Variants in UGT1A6 observed in about 807,000 individuals in gnomAD.
UGT1A6 encodes UDP glucuronosyltransferase family 1 member A6.
A neutral mutation model predicts 44.4 loss-of-function variants in UGT1A6; 32 were observed. The observed-to-expected ratio is 0.72, with a 90% CI of 0.54 to 0.97. The LOEUF is 0.97. UGT1A6 is among the 50% of genes least tolerant of loss of function. UGT1A6 has a pLI of 0.00. For missense variants in UGT1A6, 685 were observed against 661.9 expected, an observed-to-expected ratio of 1.03 and a Z score of -0.38; for synonymous variants, 238 against 248.5, an observed-to-expected ratio of 0.96 and a Z score of 0.40.
intron 1 of UGT1A6, among the ~76,000 whole-genome samples, chr2:233,764,866 A>AAAAGGGAGG (rs45477695): frequency 0.13 from 19,804 of 152,100 alleles, 1,413 homozygotes; most frequent in East Asian, 0.2. Context: ...CTTTTAGATG[A>AAAAGGGAGG]GCCCAAGGGA....
At chr2:233,758,861 A>G (rs911579331) in intron 1 of UGT1A6, among the ~76,000 whole-genome samples, 2 of 152,228 alleles carry the variant, frequency 1.3e-5, no homozygotes, top group African/African-American at 4.8e-5. Context: ...TGGCTGCACA[A>G]TACTTGCCCC....
At chr2:233,745,418 GATAA>G (rs1158575048) in intron 1 of UGT1A6, among the ~76,000 whole-genome samples, 1 of 151,578 alleles carries the variant, frequency 6.6e-6, no homozygotes, top group Non-Finnish European at 1.5e-5. Context: ...TCTTTTCTTT[GATAA>G]ATTGTGAGGC....
At chr2:233,699,044 G>A (rs1467875963) in intron 1 of UGT1A6, among the ~76,000 whole-genome samples, 1 of 152,200 alleles carries the variant, frequency 6.6e-6, no homozygotes, top group Non-Finnish European at 1.5e-5. Context: ...CAGATGTCCT[G>A]AAACAACTTA....
chr2:233,770,228 A>T (rs1355142630), intron 4 of UGT1A6: 1 of 152,236 alleles, frequency 6.6e-6, no homozygotes, highest in Non-Finnish European at 1.5e-5. Context: ...TCTGATTGTG[A>T]ATCTCCATGA....
rs112242313 is a variant in UGT1A6, at chr2:233,705,319, A to G, written c.861+11454A>G. Among the ~76,000 whole-genome samples the G allele has an allele frequency of 2.0e-3, 307 of 152,310 alleles. 1 individual carries two copies. Among genetic ancestry groups the G allele is most frequent in the Non-Finnish European group, 6.6e-4 (45 of 68,036 alleles). ...GTATTTCTTGTAAGTTGAGTTTTTC[A>G]GCAACACATTCTCTCAATTTTTGTC... On this transcript the variant is annotated intron_variant, in intron 1 of 4. Coordinates refer to ENST00000305139, the MANE Select transcript of UGT1A6 (RefSeq NM_001072.4).
chr2:233,760,308 C>G (rs780253764), intron 1 of UGT1A6: 1 of 1,613,678 alleles, frequency 6.2e-7, no homozygotes. Flanking sequence ...AGTCCCAGGG[C>G]GGACGCCCAC....
intron 1 of UGT1A6, chr2:233,755,163 G>C: frequency 2.3e-6 from 3 of 1,285,674 alleles, no homozygotes; most frequent in Non-Finnish European, 3.2e-6. Flanking sequence ...CCTGTCCTCG[G>C]GGTTTTTGTC....
At chr2:233,756,970 G>A (rs550793027) in intron 1 of UGT1A6, among the ~76,000 whole-genome samples, 57 of 152,062 alleles carry the variant, frequency 3.7e-4, no homozygotes, top group Non-Finnish European at 5.3e-4. Context: ...TGGTAAGCAC[G>A]CAATGAACAG....
At chr2:233,743,755 C>T in intron 1 of UGT1A6, 1 of 1,367,374 alleles carries the variant, frequency 7.3e-7, no homozygotes, top group Non-Finnish European at 9.8e-7. Context: ...CCGACAACAC[C>T]TCGTAGGCCT....
chr2:233,761,873 C>T (rs930936969), intron 1 of UGT1A6, among the ~76,000 whole-genome samples: 2 of 152,192 alleles, frequency 1.3e-5, no homozygotes, highest in South Asian at 2.1e-4. Flanking sequence ...TTTCAGAGAG[C>T]GTTCATTCAC....
intron 1 of UGT1A6, among the ~76,000 whole-genome samples, chr2:233,700,747 GT>G (rs2075585152): frequency 6.6e-6 from 1 of 151,606 alleles, no homozygotes; most frequent in African/African-American, 2.4e-5. Flanking sequence ...TATACTTTAA[GT>G]TTTAGGGTAC....
chr2:233,763,199 G>A (rs1698259470), intron 1 of UGT1A6, among the ~76,000 whole-genome samples: 1 of 152,320 alleles, frequency 6.6e-6, no homozygotes, highest in African/African-American at 2.4e-5. Context: ...CTTGTTTGGT[G>A]CAGTCAGGCT....
intron 1 of UGT1A6, among the ~76,000 whole-genome samples, chr2:233,699,110 A>C (rs1295776189): frequency 1.3e-5 from 2 of 152,202 alleles, no homozygotes; most frequent in East Asian, 1.9e-4. Flanking sequence ...CACCTGCCCC[A>C]AAACAGTTCT....
chr2:233,719,683 C>T, intron 1 of UGT1A6: 1 of 1,614,076 alleles, frequency 6.2e-7, no homozygotes, highest in South Asian at 1.1e-5. Context: ...AAGCCACTAT[C>T]TCAGGTCTGT....
intron 1 of UGT1A6, chr2:233,730,118 T>A (rs1380920361): frequency 6.0e-5 from 93 of 1,555,792 alleles, no homozygotes; most frequent in Non-Finnish European, 7.7e-5. Context: ...CTTCTCCTTG[T>A]CATAATAGCC....
intron 1 of UGT1A6, among the ~76,000 whole-genome samples, chr2:233,726,604 A>ACCCAGGAT (rs1166552006): frequency 1.2e-4 from 18 of 152,184 alleles, no homozygotes; most frequent in African/African-American, 4.3e-4. Flanking sequence ...TTGTGATTAC[A>ACCCAGGAT]CTGTCCTGCC....
intron 1 of UGT1A6, among the ~76,000 whole-genome samples, chr2:233,708,083 A>T (rs910036488): frequency 1.3e-5 from 2 of 152,164 alleles, no homozygotes; most frequent in African/African-American, 4.8e-5. Context: ...TTTTACTTTT[A>T]TTCAAACGAA....
intron 1 of UGT1A6, among the ~76,000 whole-genome samples, chr2:233,764,460 T>C (rs1698566935): frequency 6.6e-6 from 1 of 152,182 alleles, no homozygotes; most frequent in East Asian, 1.9e-4. Flanking sequence ...ACTTTCGTGA[T>C]CTCCTGCTAT....
chr2:233,714,477 G>T (rs45505392), intron 1 of UGT1A6, among the ~76,000 whole-genome samples: 3,255 of 152,164 alleles, frequency 0.021, 104 homozygotes, highest in African/African-American at 0.073. Context: ...ATAGGAGAAT[G>T]TTTCTTGTGA....
Sources: allele counts gnomAD v4.1 joint callset (sites outside exome capture counted in the v4.1 genomes callset), GRCh38; gene constraint gnomAD v4.1.1; transcripts MANE v1.5; gene names NCBI Gene and HGNC (gene_info 2026-07-23, HGNC 2026-07-21).